The following ZNF484 variants were observed in gnomAD, a reference collection of about 807,000 sequenced individuals.
ZNF484 encodes the protein zinc finger protein 484.
In ZNF484, 11 loss-of-function variants were observed where a neutral mutation model predicts 12.9. The observed-to-expected ratio is 0.85, with a 90% CI of 0.54 to 1.41. ZNF484 has a LOEUF of 1.41. ZNF484 is among the 40% of genes most tolerant of loss of function. The pLI, the probability that ZNF484 is intolerant of heterozygous loss-of-function variation, is 0.00. For synonymous variants in ZNF484, 289 were observed against 334.1 expected, an observed-to-expected ratio of 0.86 and a Z score of 1.47; for missense variants, 807 against 1,007.7, an observed-to-expected ratio of 0.80 and a Z score of 2.70.
intron 2 of ZNF484, among the ~76,000 whole-genome samples, chr9:92,873,413 G>C (rs1177543583): frequency 7.1e-6 from 1 of 140,840 alleles, no homozygotes; most frequent in Non-Finnish European, 1.5e-5. Flanking sequence ...TGACAACTTA[G>C]ATGAAAGGGA....
chr9:92,877,999 C>G lies in ZNF484; in HGVS notation c.-140G>C. 2.5e-6 allele frequency: 2 copies of G among 801,578 alleles called. No individual in the cohort carries two copies. The highest frequency in any genetic ancestry group is 2.7e-5 in the Admixed American group (1 of 37,540). 49.7% of individuals were successfully genotyped at this position (801,578 alleles called of 1,614,324 possible). A position where few individuals can be genotyped will look rare whatever the true frequency, so the allele number is the denominator to read the frequency against. ...TTCCTTTTTCTCAATGCCTCCCAGG[C>G]CTAGAGGTACTTCTTACAGCGCTGC... On this transcript the variant is annotated 5_prime_UTR_variant, in exon 1 of 5. Transcript: ENST00000375495.
At position 92,846,663 on chromosome 9, in the gene ZNF484, A is replaced by C. The variant is rs760242075; in HGVS notation, c.2124T>G (p.Ile708Met). 1.2e-6 allele frequency: 2 copies of C among 1,613,918 alleles called. No individual in the cohort carries two copies. The highest frequency in any genetic ancestry group is 1.7e-6 in the Non-Finnish European group (2 of 1,180,008). The change falls in exon 5 of 5, where the codon ATT becomes ATG. Residue 708 changes from isoleucine to methionine, a missense_variant. By Grantham distance (10) the Ile-to-Met change is conservative. Coordinates refer to ENST00000375495, the MANE Select transcript of ZNF484 (RefSeq NM_031486.4). ...GKAFARKSTL[I>M]MHQRIHTGEK... ...CTCCTGTATGAATTCTCTGATGCATAATTAGTGTTGATTTTCTTGCAAAGG... is the reference window on the plus strand; with the variant it reads ...CTCCTGTATGAATTCTCTGATGCATCATTAGTGTTGATTTTCTTGCAAAGG...
At chr9:92,858,970 A>T (rs1470220507) in intron 2 of ZNF484, among the ~76,000 whole-genome samples, 1 of 151,798 alleles carries the variant, frequency 6.6e-6, no homozygotes, top group Non-Finnish European at 1.5e-5. Context: ...CTAAAAATAT[A>T]AAAAAATTAG....
At position 92,848,025 on chromosome 9, in the gene ZNF484, A is replaced by G. The variant is rs1249851709; in HGVS notation, c.762T>C (p.Ser254=). The part of the protein sequence containing the change: ...IHTRESLYLF[S]DYVNVFSPKS... ...TCGGGGAGAAAACATTTACGTAGTC[A>G]GAAAACAAATAGAGGCTCTCTCTAG... is the stretch of plus-strand genomic sequence containing the variant. The change falls in exon 5 of 5, where the codon TCT becomes TCC. Residue 254 remains serine, a synonymous_variant. Transcript: ENST00000375495. This position sits in a 1 kb window ranked among gnomAD's most constrained non-coding sequence, Gnocchi z 4.1. 1.2e-6 allele frequency: 2 copies of G among 1,614,136 alleles called. No homozygotes were observed. The highest frequency in any genetic ancestry group is 1.7e-6 in the Non-Finnish European group (2 of 1,180,058).
chr9:92,847,097 T>C lies in ZNF484; in HGVS notation c.1690A>G (p.Lys564Glu), dbSNP rs1042412519. The C allele has an allele frequency of 6.2e-7, 1 of 1,614,106 alleles. No individual in the cohort carries two copies. Among genetic ancestry groups the C allele is most frequent in the Non-Finnish European group, 8.5e-7 (1 of 1,180,018 alleles). ...CSECGKAFIQ[K>E]STLSMHQRIH... ...CTCTGGTGCATACTTAATGTTGACT[T>C]CTGAATGAATGCTTTCCCACATTCA... The change falls in exon 5 of 5, where the codon AAG becomes GAG. Residue 564 changes from lysine to glutamate, a missense_variant. By Grantham distance (56) the Lys-to-Glu change is moderately conservative (BLOSUM62 1). Transcript: ENST00000375495.
intron 2 of ZNF484, among the ~76,000 whole-genome samples, chr9:92,865,755 A>G (rs1488473549): frequency 6.6e-6 from 1 of 152,108 alleles, no homozygotes; most frequent in East Asian, 1.9e-4. Context: ...AAAAGAAAAA[A>G]AAAATTAGCC....
At chr9:92,856,528 T>C (rs935151038) in intron 2 of ZNF484, among the ~76,000 whole-genome samples, 19 of 152,146 alleles carry the variant, frequency 1.2e-4, no homozygotes, top group Admixed American at 4.6e-4. Flanking sequence ...AAAGCTTAAA[T>C]AGACATTTCT....
At position 92,848,227 on chromosome 9, in the gene ZNF484, G is replaced by T; in HGVS notation, c.560C>A (p.Pro187His). 6.2e-7 allele frequency: 1 copy of T among 1,614,152 alleles called. No individual in the cohort carries two copies. Among genetic ancestry groups the T allele is most frequent in the Non-Finnish European group, 8.5e-7 (1 of 1,180,024 alleles). Residue 187 changes from proline to histidine, a missense_variant, in exon 5 of 5, where the codon CCT (proline) becomes CAT (histidine). Transcript: ENST00000375495. This position sits in a 1 kb window ranked among gnomAD's most constrained non-coding sequence, Gnocchi z 4.1. ...NCNSCGKNLE[P>H]IITLYNRNNA... Reference sequence around the variant, plus strand: ...GTTTCTATTATATAAGGTTATGATAGGCTCCAAATTCTTTCCACACGAGTT... The same window carrying T: ...GTTTCTATTATATAAGGTTATGATATGCTCCAAATTCTTTCCACACGAGTT...
At position 92,844,629 on chromosome 9, in the gene ZNF484, C is replaced by T. The variant is rs748489222; in HGVS notation, c.*1599G>A. Among the ~76,000 whole-genome samples, 17 of 152,124 alleles carry T rather than the reference C, an allele frequency of 1.1e-4. No individual in the cohort carries two copies. The highest frequency in any genetic ancestry group is 2.4e-4 in the Non-Finnish European group (16 of 68,014). On this transcript the variant is annotated 3_prime_UTR_variant, in exon 5 of 5. Transcript: ENST00000375495. Reference sequence around the variant, plus strand: ...AGCTTCTCAATAAAACAATAAAAGACAAACCAAAATAAAATATCATCAAAA... The same window carrying T: ...AGCTTCTCAATAAAACAATAAAAGATAAACCAAAATAAAATATCATCAAAA...
chr9:92,858,041 A>T (rs1377858952), intron 2 of ZNF484, among the ~76,000 whole-genome samples: 1 of 152,032 alleles, frequency 6.6e-6, no homozygotes, highest in East Asian at 1.9e-4. Flanking sequence ...CCTACAACTT[A>T]TTATACACAG....
At chr9:92,869,377 AAAT>A (rs1406449641) in intron 2 of ZNF484, among the ~76,000 whole-genome samples, 1 of 152,200 alleles carries the variant, frequency 6.6e-6, no homozygotes, top group Non-Finnish European at 1.5e-5. Flanking sequence ...AATATTGTTA[AAAT>A]AATCATCATA....
chr9:92,846,157 C>T lies in ZNF484; in HGVS notation c.*71G>A, dbSNP rs774752392. 4.9e-5 allele frequency: 73 copies of T among 1,501,202 alleles called. 1 individual carries two copies. In the Admixed American group the frequency reaches 9.6e-4, roughly 20 times the overall value. The allele number at this position is 1,501,202 out of a possible 1,614,324, so 93.0% of individuals were successfully genotyped here. On this transcript the variant is annotated 3_prime_UTR_variant, in exon 5 of 5. Coordinates refer to ENST00000375495, the MANE Select transcript of ZNF484 (RefSeq NM_031486.4). ...AGATGGCCACTATACATTGCTTAAACACTCTCAAAAGTGTCTCCCCATATG... is the reference window on the plus strand; with the variant it reads ...AGATGGCCACTATACATTGCTTAAATACTCTCAAAAGTGTCTCCCCATATG...
intron 4 of ZNF484, among the ~76,000 whole-genome samples, chr9:92,851,338 CA>C (rs1315893321): frequency 1.3e-5 from 2 of 152,088 alleles, no homozygotes; most frequent in African/African-American, 4.8e-5. Flanking sequence ...TTTAAATGGT[CA>C]AAAAATTAAA....
chr9:92,874,418 TCTC>T (rs1284135865), intron 2 of ZNF484, among the ~76,000 whole-genome samples: 1 of 151,812 alleles, frequency 6.6e-6, no homozygotes, highest in Non-Finnish European at 1.5e-5. Flanking sequence ...TTAAAGCAAT[TCTC>T]CTGCCTCAGC....
At chr9:92,874,578 C>T (rs907787671) in intron 2 of ZNF484, among the ~76,000 whole-genome samples, 3 of 152,096 alleles carry the variant, frequency 2.0e-5, no homozygotes, top group Non-Finnish European at 4.4e-5. Context: ...TCCCAAAGTG[C>T]TGGGACTACA....
intron 1 of ZNF484, among the ~76,000 whole-genome samples, chr9:92,876,412 A>G (rs187484799): frequency 6.6e-6 from 1 of 152,344 alleles, no homozygotes; most frequent in East Asian, 1.9e-4. Flanking sequence ...AATTCTATCA[A>G]CAGAGACTAT....
chr9:92,847,504 A>G lies in ZNF484; in HGVS notation c.1283T>C (p.Ile428Thr). 5 of 1,613,034 alleles carry G rather than the reference A, an allele frequency of 3.1e-6. No homozygotes were observed. Among genetic ancestry groups the G allele is most frequent in the Non-Finnish European group, 4.2e-6 (5 of 1,179,650 alleles). The change falls in exon 5 of 5, where the codon ATC becomes ACC. Residue 428 changes from isoleucine (I) to threonine (T), a missense_variant. Transcript: ENST00000375495. Reference protein sequence around the residue: ...GKAFIRKSHFITHERIHTGEK... With the variant: ...GKAFIRKSHFTTHERIHTGEK... ...TCCAGTATGAATTCTTTCATGTGTG[A>G]TAAAATGTGACTTCCGGATAAAGGC...
intron 2 of ZNF484, among the ~76,000 whole-genome samples, chr9:92,864,651 C>T (rs566221027): frequency 2.3e-4 from 35 of 152,008 alleles, no homozygotes; most frequent in Non-Finnish European, 4.3e-4. Context: ...TTCAGTACCA[C>T]GTAATAGCAA....
At chr9:92,865,225 A>C (rs1055810702) in intron 2 of ZNF484, among the ~76,000 whole-genome samples, 2 of 152,166 alleles carry the variant, frequency 1.3e-5, no homozygotes, top group African/African-American at 4.8e-5. Flanking sequence ...GGATTGCTTG[A>C]GTCCACGAGT....
Sources: gnomAD v4.1 joint callset for allele counts (sites outside exome capture counted in the v4.1 genomes callset) on GRCh38, gnomAD v4.1.1 for gene constraint, Gnocchi (gnomAD v3.1) non-coding constraint, MANE v1.5 for transcripts, NCBI Gene and HGNC (gene_info 2026-07-23, HGNC 2026-07-21) for gene names.